Variants in PTPRB observed in about 807,000 individuals in gnomAD.
PTPRB encodes the protein receptor-type tyrosine-protein phosphatase beta.
PTPRB carries 97 observed loss-of-function variants against 238.1 expected under a neutral mutation model. The ratio of observed to expected loss-of-function variants is 0.41; its 90% CI spans 0.35 to 0.48. The LOEUF (loss-of-function observed/expected upper bound fraction) is 0.48. Ranked by LOEUF, PTPRB falls within the 20% of genes least tolerant of loss-of-function variation. PTPRB has a pLI of 0.30. For synonymous variants in PTPRB, 970 were observed against 995.4 expected, an observed-to-expected ratio of 0.97 and a Z score of 0.48; for missense variants, 2,292 against 2,681.9, an observed-to-expected ratio of 0.85 and a Z score of 3.21.
intron 7 of PTPRB, among the ~76,000 whole-genome samples, chr12:70,590,940 G>GTTTTTTTTTTTT (rs35496972): frequency 9.7e-6 from 1 of 102,860 alleles, no homozygotes; most frequent in Non-Finnish European, 1.9e-5. Flanking sequence ...TTTCCTCCAA[G>GTTTTTTTTTTTT]TTTTTTTTTT....
At chr12:70,548,334 TCTCTCTCTCTCTCACACA>T (rs1219125660) in intron 21 of PTPRB, among the ~76,000 whole-genome samples, 5 of 32,464 alleles carry the variant, frequency 1.5e-4, no homozygotes, top group African/African-American at 2.5e-4. Flanking sequence ...TCTCTCTCTC[TCTCTCTCTCTCTCACACA>T]CACACACACA....
intron 15 of PTPRB, among the ~76,000 whole-genome samples, chr12:70,565,781 G>C (rs917265548): frequency 2.6e-5 from 4 of 152,154 alleles, no homozygotes; most frequent in African/African-American, 9.7e-5. Flanking sequence ...CTAACCCCCA[G>C]AACCTGTGAA....
intron 32 of PTPRB, among the ~76,000 whole-genome samples, chr12:70,531,104 A>T (rs1250355250): frequency 6.6e-6 from 1 of 152,080 alleles, no homozygotes; most frequent in African/African-American, 2.4e-5. Flanking sequence ...TGAATGCAGG[A>T]TATTAATATG....
At chr12:70,621,273 C>A (rs1410795943) in intron 3 of PTPRB, among the ~76,000 whole-genome samples, 1 of 152,178 alleles carries the variant, frequency 6.6e-6, no homozygotes, top group Non-Finnish European at 1.5e-5. Context: ...ACATGTTTCC[C>A]TTTCCCTGCT....
At chr12:70,539,295 G>A (rs1233295496) in intron 26 of PTPRB, 24 of 533,214 alleles carry the variant, frequency 4.5e-5, no homozygotes, top group Non-Finnish European at 5.3e-5. Context: ...CGTGCTTTTT[G>A]CGAAACCACG....
intron 2 of PTPRB, among the ~76,000 whole-genome samples, chr12:70,630,023 G>A (rs1885376034): frequency 6.6e-6 from 1 of 152,240 alleles, no homozygotes; most frequent in East Asian, 1.9e-4. Flanking sequence ...GGTACAAAGA[G>A]GAGCTTGTAC....
chr12:70,602,895 G>A (rs1422545084), intron 4 of PTPRB, among the ~76,000 whole-genome samples: 2 of 152,140 alleles, frequency 1.3e-5, no homozygotes, highest in Admixed American at 1.3e-4. Context: ...AGGGGTATAT[G>A]CATCTTAATT....
chr12:70,536,936 C>T (rs1455749851), intron 28 of PTPRB, among the ~76,000 whole-genome samples: 2 of 152,178 alleles, frequency 1.3e-5, no homozygotes, highest in Non-Finnish European at 2.9e-5. Context: ...TAGCCTCTCG[C>T]TACTGAGTGC....
At chr12:70,565,947 T>C (rs868437294) in intron 15 of PTPRB, among the ~76,000 whole-genome samples, 1 of 151,908 alleles carries the variant, frequency 6.6e-6, no homozygotes, top group Admixed American at 6.6e-5. Flanking sequence ...GAGAAAGAGA[T>C]GTAAGGTCCC....
chr12:70,615,410 C>T (rs543273750), intron 3 of PTPRB, among the ~76,000 whole-genome samples: 7 of 152,274 alleles, frequency 4.6e-5, no homozygotes, highest in African/African-American at 1.7e-4. Context: ...TAACAGCAGG[C>T]TCCACTGTCT....
chr12:70,597,191 G>A (rs1440017158), intron 4 of PTPRB, among the ~76,000 whole-genome samples: 2 of 152,032 alleles, frequency 1.3e-5, no homozygotes, highest in Non-Finnish European at 2.9e-5. Flanking sequence ...CAAGGTGCTG[G>A]GATTACAGGC....
intron 4 of PTPRB, among the ~76,000 whole-genome samples, chr12:70,598,936 G>T (rs2136494863): frequency 6.6e-6 from 1 of 152,256 alleles, no homozygotes; most frequent in South Asian, 2.1e-4. Context: ...TCAATCCTTT[G>T]TACATCCGCT....
chr12:70,611,148 C>A (rs765227863), intron 3 of PTPRB, among the ~76,000 whole-genome samples: 1 of 152,116 alleles, frequency 6.6e-6, no homozygotes, highest in Admixed American at 6.5e-5. Context: ...TTCAAATCAG[C>A]GGGAAGGATG....
intron 11 of PTPRB, among the ~76,000 whole-genome samples, chr12:70,574,813 C>G (rs532185875): frequency 6.6e-6 from 1 of 152,112 alleles, no homozygotes; most frequent in Non-Finnish European, 1.5e-5. Context: ...AAGTTCATGC[C>G]GGTCAAGGAG....
rs1565973788 is a variant in PTPRB, at chr12:70,581,178, C to T, written c.2436G>A (p.Val812=). ...FYQVLLIHEN[V]VIKNESISSE... ...TGGAGATGCTTTCATTTTTAATGAC[C>T]ACATTTTCATGGATCAGTAAGACTT... The change falls in exon 10 of 34, where the codon GTG becomes GTA. Residue 812 remains valine (V), a synonymous_variant. Coordinates refer to ENST00000334414, the MANE Select transcript of PTPRB (RefSeq NM_001109754.4). The T allele has an allele frequency of 6.2e-7, 1 of 1,613,922 alleles. No homozygotes were observed. The highest frequency in any genetic ancestry group is 8.5e-7 in the Non-Finnish European group (1 of 1,179,878).
chr12:70,609,834 C>A (rs1258616858), intron 3 of PTPRB: 5 of 1,568,866 alleles, frequency 3.2e-6, no homozygotes, highest in Non-Finnish European at 3.5e-6. Context: ...TAGTTAAGAT[C>A]CAGAGGAGAC....
intron 2 of PTPRB, 138 bp downstream of exon 2, chr12:70,635,533 T>G: frequency 8.7e-7 from 1 of 1,143,658 alleles, no homozygotes; most frequent in Non-Finnish European, 1.2e-6. Flanking sequence ...TCCATTAGCT[T>G]ATGAATCTTC....
intron 2 of PTPRB, among the ~76,000 whole-genome samples, chr12:70,625,350 C>T (rs1218062972): frequency 6.6e-6 from 1 of 152,096 alleles, no homozygotes; most frequent in African/African-American, 2.4e-5. Context: ...TGCGATTTAG[C>T]AGACTTGGTG....
chr12:70,530,171 A>G (rs995813106), intron 32 of PTPRB, among the ~76,000 whole-genome samples: 1 of 152,212 alleles, frequency 6.6e-6, no homozygotes, highest in African/African-American at 2.4e-5. Flanking sequence ...AATGAAAACC[A>G]AATATAGTTT....
Sources: allele counts gnomAD v4.1 joint callset (sites outside exome capture counted in the v4.1 genomes callset), GRCh38; gene constraint gnomAD v4.1.1; transcripts MANE v1.5; gene names NCBI Gene and HGNC (gene_info 2026-07-23, HGNC 2026-07-21).